DCAF6: variants seen among roughly 807,000 people sequenced by gnomAD.
DCAF6 encodes DDB1- and CUL4-associated factor 6.
DCAF6 carries 54 observed loss-of-function variants against 125.1 expected under a neutral mutation model. That is an observed-to-expected ratio of 0.43 (90% CI 0.35 to 0.54). DCAF6 has a LOEUF of 0.54. DCAF6 is among the 20% of genes least tolerant of loss of function. DCAF6 has a pLI of 0.01. For missense variants in DCAF6, 934 were observed against 1,161.7 expected (o/e 0.80, Z 2.85); for synonymous variants, 371 against 390.4 (o/e 0.95, Z 0.58).
intron 1 of DCAF6, among the ~76,000 whole-genome samples, chr1:167,939,449 G>T (rs1047480889): frequency 1.3e-5 from 2 of 151,896 alleles, no homozygotes; most frequent in Non-Finnish European, 2.9e-5. Flanking sequence ...TTTATTATTA[G>T]ATAAAATGAC....
At chr1:167,997,135 G>A (rs982044576) in intron 7 of DCAF6, among the ~76,000 whole-genome samples, 1 of 152,040 alleles carries the variant, frequency 6.6e-6, no homozygotes, top group Non-Finnish European at 1.5e-5. Flanking sequence ...TGAATGAAAC[G>A]CCATTTTCAG....
chr1:167,970,798 A>G (rs1677192388), intron 3 of DCAF6, among the ~76,000 whole-genome samples: 1 of 152,126 alleles, frequency 6.6e-6, no homozygotes. Context: ...TTTATTGAAA[A>G]TAAGAGTTTT....
the DCAF6 span, among the ~76,000 whole-genome samples, chr1:167,885,687 C>T: frequency 6.6e-6 from 1 of 152,092 alleles, no homozygotes; most frequent in Non-Finnish European, 1.5e-5. Flanking sequence ...CACATCTCAT[C>T]TCACTGCAAC....
intron 18 of DCAF6, among the ~76,000 whole-genome samples, chr1:168,065,241 ATTAC>A (rs940338493): frequency 1.3e-5 from 2 of 152,068 alleles, no homozygotes; most frequent in African/African-American, 4.8e-5. Flanking sequence ...GGGATTTTCT[ATTAC>A]TTACTGCCAT....
intron 1 of DCAF6, among the ~76,000 whole-genome samples, chr1:167,950,348 A>T (rs1571620178): frequency 6.6e-6 from 1 of 152,188 alleles, no homozygotes; most frequent in African/African-American, 2.4e-5. Context: ...TTTACAAGCG[A>T]AAATCAGATT....
intron 3 of DCAF6, among the ~76,000 whole-genome samples, chr1:167,972,653 G>A (rs997912178): frequency 6.6e-6 from 1 of 152,170 alleles, no homozygotes; most frequent in Non-Finnish European, 1.5e-5. Context: ...ATGTATTTTG[G>A]CATGGCTCTG....
At chr1:167,993,489 C>CACCCG (rs749188174) in intron 7 of DCAF6, 49 bp downstream of exon 7, 2 of 1,513,282 alleles carry the variant, frequency 1.3e-6, no homozygotes, top group African/African-American at 2.8e-5. Context: ...GTGGCTCACG[C>CACCCG]CTGTAATCCC....
At chr1:168,030,159 A>G (rs774523099) in intron 12 of DCAF6, among the ~76,000 whole-genome samples, 4 of 152,084 alleles carry the variant, frequency 2.6e-5, no homozygotes, top group Non-Finnish European at 5.9e-5. Context: ...GTTATATAAG[A>G]AAGGGGAAAT....
rs181851177 is a variant in DCAF6, at chr1:167,937,387, G to T, written c.97+379G>T. On this transcript the variant is annotated intron_variant, in intron 1 of 21. Coordinates refer to ENST00000367840, the MANE Select transcript of DCAF6 (RefSeq NM_001198956.2). ...TCCAGCGCGCTTTCCCCGCTCAGCC[G>T]AAGAACCTAAGTTGTTGCCCACCCT... 3.0e-5 allele frequency: 7 copies of T among 234,448 alleles called. No individual in the cohort carries two copies. The East Asian group carries it at 9.9e-4, about 33-fold the overall frequency. 14.5% of individuals were successfully genotyped at this position (234,448 alleles called of 1,614,324 possible).
chr1:168,018,968 G>T (rs932207499), intron 11 of DCAF6, among the ~76,000 whole-genome samples: 1 of 152,032 alleles, frequency 6.6e-6, no homozygotes, highest in Non-Finnish European at 1.5e-5. Flanking sequence ...CAGAGACCAT[G>T]TAAGGATGGG....
intron 12 of DCAF6, among the ~76,000 whole-genome samples, chr1:168,037,070 G>C (rs1467886034): frequency 6.6e-6 from 1 of 150,720 alleles, no homozygotes; most frequent in Non-Finnish European, 1.5e-5. Context: ...CAGAATAAAG[G>C]CTAGAAGAGA....
intron 3 of DCAF6, among the ~76,000 whole-genome samples, chr1:167,974,509 AAGTC>A (rs1557913896): frequency 6.6e-6 from 1 of 152,158 alleles, no homozygotes; most frequent in South Asian, 2.1e-4. Context: ...TAAATTTCAA[AAGTC>A]AGTCAAAGTA....
intron 3 of DCAF6, among the ~76,000 whole-genome samples, chr1:167,971,717 A>G (rs1677336489): frequency 6.6e-6 from 1 of 152,204 alleles, no homozygotes; most frequent in South Asian, 2.1e-4. Context: ...TGTTATTTTC[A>G]TCTCAGATTA....
chr1:168,013,444 A>G (rs16859989), intron 10 of DCAF6, among the ~76,000 whole-genome samples: 12,859 of 152,198 alleles, frequency 0.084, 612 homozygotes, highest in Middle Eastern at 0.1. Flanking sequence ...TAGTTTGTAT[A>G]ATTTCATGCT....
At chr1:167,963,189 A>G (rs1675883820) in intron 2 of DCAF6, among the ~76,000 whole-genome samples, 1 of 151,922 alleles carries the variant, frequency 6.6e-6, no homozygotes, top group Non-Finnish European at 1.5e-5. Flanking sequence ...GCTTGAACTC[A>G]GGAGGCGGAG....
At chr1:167,970,260 T>G (rs1170464153) in intron 3 of DCAF6, among the ~76,000 whole-genome samples, 1 of 152,210 alleles carries the variant, frequency 6.6e-6, no homozygotes, top group Non-Finnish European at 1.5e-5. Flanking sequence ...GACGATCCCT[T>G]TGATGTATGA....
At chr1:167,947,340 G>A (rs1571604502) in intron 1 of DCAF6, among the ~76,000 whole-genome samples, 1 of 146,088 alleles carries the variant, frequency 6.8e-6, no homozygotes, top group East Asian at 2.0e-4. Flanking sequence ...TTGACCTTTT[G>A]TGGGTTTTTT....
At chr1:168,003,728 A>G (rs1571893677) in intron 8 of DCAF6, 142 bp from the exon 9 acceptor site, 1 of 667,902 alleles carries the variant, frequency 1.5e-6, no homozygotes, top group East Asian at 3.0e-5. Context: ...TAATAGATTT[A>G]TATACATTCA....
intron 6 of DCAF6, among the ~76,000 whole-genome samples, chr1:167,992,237 A>C (rs577133518): frequency 4.1e-5 from 6 of 148,122 alleles, no homozygotes; most frequent in Non-Finnish European, 7.5e-5. Context: ...TTTTTCAGTA[A>C]AGGAAGGCCA....
Sources: gnomAD v4.1 joint callset for allele counts (sites outside exome capture counted in the v4.1 genomes callset) on GRCh38, gnomAD v4.1.1 for gene constraint, MANE v1.5 for transcripts, NCBI Gene and HGNC (gene_info 2026-07-23, HGNC 2026-07-21) for gene names.